DAPK2: variants seen among roughly 807,000 people sequenced by gnomAD.
DAPK2 encodes the protein death-associated protein kinase 2.
A neutral mutation model predicts 44.1 loss-of-function variants in DAPK2; 35 were observed. That is an observed-to-expected ratio of 0.79 (90% CI 0.61 to 1.05). The LOEUF (loss-of-function observed/expected upper bound fraction) is 1.05, where lower values mean the gene tolerates loss of function less well. Ranked by LOEUF, DAPK2 falls within the 50% of genes least tolerant of loss-of-function variation. DAPK2 has a pLI of 0.00. For missense variants in DAPK2, 453 were observed against 483.2 expected, an observed-to-expected ratio of 0.94 and a Z score of 0.59; for synonymous variants, 174 against 182.6, an observed-to-expected ratio of 0.95 and a Z score of 0.38.
At chr15:63,927,805 A>T (rs1408557504) in intron 6 of DAPK2, among the ~76,000 whole-genome samples, 1 of 150,684 alleles carries the variant, frequency 6.6e-6, no homozygotes, top group African/African-American at 2.4e-5. Context: ...CAGTGGTGCT[A>T]CTACAGCTCA....
intron 6 of DAPK2, among the ~76,000 whole-genome samples, chr15:63,926,709 TG>T (rs2079285938): frequency 6.6e-6 from 1 of 152,234 alleles, no homozygotes; most frequent in African/African-American, 2.4e-5. Flanking sequence ...GTTCATGGGA[TG>T]CCTTGGTAGA....
chr15:64,008,898 C>T (rs1485267952), intron 1 of DAPK2, among the ~76,000 whole-genome samples: 3 of 152,184 alleles, frequency 2.0e-5, no homozygotes, highest in Non-Finnish European at 4.4e-5. Flanking sequence ...AGAGCTGCAG[C>T]ATCACCAAGG....
intron 1 of DAPK2, among the ~76,000 whole-genome samples, chr15:63,997,329 T>C (rs77135942): frequency 0.015 from 2,229 of 152,292 alleles, 112 homozygotes; most frequent in Admixed American, 0.1. Flanking sequence ...AGCTGCAATT[T>C]ATTTTATTTT....
At chr15:64,025,496 T>C (rs921257927) in intron 1 of DAPK2, among the ~76,000 whole-genome samples, 1 of 152,192 alleles carries the variant, frequency 6.6e-6, no homozygotes, top group Non-Finnish European at 1.5e-5. Context: ...GCAGCTGGCC[T>C]CTGCTCACCG....
intron 1 of DAPK2, among the ~76,000 whole-genome samples, chr15:64,030,372 G>C (rs73456785): frequency 2.6e-4 from 40 of 152,260 alleles, no homozygotes; most frequent in African/African-American, 9.4e-4. Flanking sequence ...GCACCTAGAT[G>C]TTGACAGGGC....
chr15:63,999,860 G>A (rs144892628), intron 1 of DAPK2, among the ~76,000 whole-genome samples: 449 of 151,832 alleles, frequency 3.0e-3, no homozygotes, highest in Middle Eastern at 0.01. Context: ...CAAACTCCTC[G>A]GCTGAAGCTC....
Position 64,006,926 on chromosome 15 carries a change from C to G in DAPK2, c.93-23172G>C, listed in dbSNP as rs552213102. On this transcript the variant is annotated intron_variant, in intron 1 of 10. Transcript: ENST00000261891. ...TCTTCCCTCCCACCCATAGGGAGCC[C>G]GACTCCAGGAAGTCACTGAAATGCA... 5.9e-5 allele frequency among the ~76,000 whole-genome samples: 9 copies of G among 152,206 alleles called. No homozygotes were observed. The East Asian group carries it at 1.5e-3, about 26-fold the overall frequency.
In DAPK2 at chr15:63,939,530, T is replaced by G. The variant is rs2077252507; in HGVS notation, c.454-169A>C. 6.6e-6 allele frequency among the ~76,000 whole-genome samples: 1 copy of G among 152,154 alleles called. No individual in the cohort carries two copies. Among genetic ancestry groups the G allele is most frequent in the South Asian group, 2.1e-4 (1 of 4,828 alleles). On this transcript the variant is annotated intron_variant, in intron 3 of 10. Coordinates refer to ENST00000261891, the Ensembl canonical transcript of DAPK2. The surrounding 1 kb of genome is among the most constrained non-coding windows in gnomAD (Gnocchi z 4.3). The stretch of plus-strand genomic sequence containing the variant: ...ACTCTTCCTTGTTTTTGGTCCTCAG[T>G]CTTCTCTGTGAACCCAAAGACAGGT...
At chr15:63,936,719 G>A (rs1567217193) in intron 4 of DAPK2, among the ~76,000 whole-genome samples, 2 of 151,458 alleles carry the variant, frequency 1.3e-5, no homozygotes, top group African/African-American at 2.4e-5. Flanking sequence ...GGTGGTTCAC[G>A]CCTGTCACCC....
chr15:63,946,194 G>C (rs976262835), intron 3 of DAPK2, among the ~76,000 whole-genome samples: 1 of 152,252 alleles, frequency 6.6e-6, no homozygotes, highest in African/African-American at 2.4e-5. Context: ...AGAGGCCAAC[G>C]TGCTCCTTTG....
At chr15:63,978,113 A>C (rs2140810124) in intron 2 of DAPK2, among the ~76,000 whole-genome samples, 1 of 152,372 alleles carries the variant, frequency 6.6e-6, no homozygotes, top group Admixed American at 6.5e-5. Context: ...AGAAGAAAGA[A>C]AGAAATAAAA....
chr15:63,976,797 A>T (rs1485789135), intron 2 of DAPK2, among the ~76,000 whole-genome samples: 1 of 152,238 alleles, frequency 6.6e-6, no homozygotes, highest in African/African-American at 2.4e-5. Context: ...TAGAATGTAA[A>T]ATATCTCATT....
rs1158261266 is a variant in DAPK2, at chr15:64,013,863, G to A, written c.92+26307C>T. On this transcript the variant is annotated intron_variant, in intron 1 of 10. Coordinates refer to ENST00000261891, the Ensembl canonical transcript of DAPK2. This position sits in a 1 kb window ranked among gnomAD's most constrained non-coding sequence, Gnocchi z 4.7. ...CATGAATAAATCATGATGCCATTAT[G>A]AGCAGATAGAAATCTCCTGCTTCAG... Among the ~76,000 whole-genome samples, 1 of 152,182 alleles carries A rather than the reference G, an allele frequency of 6.6e-6. No individual in the cohort carries two copies. The highest frequency in any genetic ancestry group is 1.5e-5 in the Non-Finnish European group (1 of 68,028).
rs547903146 is a variant in DAPK2, at chr15:63,971,642, C to G, written c.315-81G>C. On this transcript the variant is annotated intron_variant, in intron 2 of 10. Coordinates refer to ENST00000261891, the Ensembl canonical transcript of DAPK2. ...ATGAGGCTGGGCTGATAGGGGCAAG[C>G]CCTCATCCTGACCCCCCAGGGACCT... 11 of 1,496,854 alleles carry G rather than the reference C, an allele frequency of 7.3e-6. No homozygotes were observed. The East Asian group carries it at 2.6e-4, about 36-fold the overall frequency. The allele number at this position is 1,496,854 out of a possible 1,614,324, so 92.7% of individuals were successfully genotyped here.
At chr15:63,946,904 G>A (rs1417658753) in intron 3 of DAPK2, among the ~76,000 whole-genome samples, 1 of 152,196 alleles carries the variant, frequency 6.6e-6, no homozygotes, top group Non-Finnish European at 1.5e-5. Flanking sequence ...GAGAAAGGAA[G>A]GCCGCTCCAT....
intron 3 of DAPK2, among the ~76,000 whole-genome samples, chr15:63,954,388 C>T (rs1263034734): frequency 6.6e-6 from 1 of 152,098 alleles, no homozygotes. Flanking sequence ...TTTCTCAATA[C>T]CATTTATTGA....
At chr15:63,963,049 G>A (rs2077955480) in intron 3 of DAPK2, among the ~76,000 whole-genome samples, 1 of 151,994 alleles carries the variant, frequency 6.6e-6, no homozygotes, top group African/African-American at 2.4e-5. Flanking sequence ...CCTCAGCAAT[G>A]GCAGATGCCC....
rs190782744 is a variant in DAPK2 at position 63,971,548 on chromosome 15, C to T, written c.328G>A (p.Glu110Lys). 36 of 1,614,188 alleles carry T rather than the reference C, an allele frequency of 2.2e-5. No homozygotes were observed. In the East Asian group the frequency reaches 7.8e-4, roughly 35 times the overall value. The change falls in exon 3 of 11, where the codon GAG (glutamate) becomes AAG (lysine). Residue 110 changes from glutamate (E) to lysine (K), a missense_variant. Transcript: ENST00000261891. ...TTCTGGGCCAGGAAATCGAAGAGCT[C>T]TCCTCCAGACACTCTGTAAAACACC...
At chr15:64,004,928 T>C (rs1387402971) in intron 1 of DAPK2, among the ~76,000 whole-genome samples, 1 of 152,210 alleles carries the variant, frequency 6.6e-6, no homozygotes, top group Non-Finnish European at 1.5e-5. Context: ...TAATTCCTTC[T>C]ACTCCCAGAG....
Sources: allele counts gnomAD v4.1 joint callset (sites outside exome capture counted in the v4.1 genomes callset), GRCh38; gene constraint gnomAD v4.1.1; non-coding constraint Gnocchi (gnomAD v3.1); transcripts MANE v1.5; gene names NCBI Gene and HGNC (gene_info 2026-07-23, HGNC 2026-07-21).